Variants in ADAM12 observed in about 807,000 individuals in gnomAD.
ADAM12 encodes ADAM metallopeptidase domain 12, also known as disintegrin and metalloproteinase domain-containing protein 12.
Under a neutral mutation model 106.4 loss-of-function variants are expected in ADAM12, and 70 were observed. That is an observed-to-expected ratio of 0.66 (90% CI 0.54 to 0.80). The LOEUF (loss-of-function observed/expected upper bound fraction) is 0.80. Ranked by LOEUF, ADAM12 falls within the 30% of genes least tolerant of loss-of-function variation. The pLI, the probability that ADAM12 is intolerant of heterozygous loss-of-function variation, is 0.00. For missense variants in ADAM12, 1,010 were observed against 1,171.9 expected (o/e 0.86, Z 2.02); for synonymous variants, 420 against 433.5 (o/e 0.97, Z 0.39).
At chr10:126,042,920 C>T in intron 18 of ADAM12, 120 bp downstream of exon 18, 1 of 915,340 alleles carries the variant, frequency 1.1e-6, no homozygotes, top group Non-Finnish European at 1.7e-6. Context: ...TGTGTAGACC[C>T]ATGTGGGGTC....
In ADAM12 at chr10:126,057,344, T is replaced by A. The variant is rs1334553678; in HGVS notation, c.1609+7462A>T. Among the ~76,000 whole-genome samples, 17 of 32,102 alleles carry A rather than the reference T, an allele frequency of 5.3e-4. 2 individuals carry two copies. The highest frequency in any genetic ancestry group is 1.5e-4 in the Non-Finnish European group (2 of 13,662). The allele number at this position is 32,102 out of a possible 152,430, so 21.1% of individuals were successfully genotyped here. On this transcript the variant is annotated intron_variant, in intron 14 of 22. Coordinates refer to ENST00000448723, the MANE Select transcript of ADAM12 (RefSeq NM_001288973.2). ...ACTAACCTGCACAATGTGCACATGT[T>A]CCCTAAAACTTAGAGTATAATAAAA...
rs1381066598 is a variant in ADAM12, at chr10:126,013,066, TTGTA to T, written c.*4209_*4212del. 3 of 152,216 alleles carry T rather than the reference TTGTA, an allele frequency of 2.0e-5. No homozygotes were observed. Among genetic ancestry groups the T allele is most frequent in the African/African-American group, 7.2e-5 (3 of 41,448 alleles). The allele number at this position is 152,216 out of a possible 1,614,324, so 9.4% of individuals were successfully genotyped here. A position where few individuals can be genotyped will look rare whatever the true frequency, so the allele number is the denominator to read the frequency against. ...GAATAGCTTTACATTGAGAATTACT[TTGTA>T]TGTTAAATCTTCTGGCCATCATTAT... On this transcript the variant is annotated 3_prime_UTR_variant, in exon 23 of 23. Transcript: ENST00000448723. This position sits in a 1 kb window ranked among gnomAD's most constrained non-coding sequence, Gnocchi z 4.3.
Position 126,093,190 on chromosome 10 carries a change from T to TC in ADAM12, c.1145+794dup, listed in dbSNP as rs1392641239. The stretch of plus-strand genomic sequence containing the variant: ...GATAGCATTGTATCCAGCGCATGCT[T>TC]CCCGTTACTAATGAGAATCTTCTTA... On this transcript the variant is annotated intron_variant, in intron 11 of 22. Transcript: ENST00000448723. Among the ~76,000 whole-genome samples the TC allele has an allele frequency of 3.2e-4, 49 of 152,292 alleles. No homozygotes were observed. The East Asian group carries it at 9.3e-3, about 29-fold the overall frequency.
At chr10:126,217,757 G>A (rs1958013411) in intron 3 of ADAM12, among the ~76,000 whole-genome samples, 1 of 320 alleles carries the variant, frequency 3.1e-3, no homozygotes, top group African/African-American at 0.019. Context: ...TGGATCACCT[G>A]AGTCAGGAGT....
intron 3 of ADAM12, among the ~76,000 whole-genome samples, chr10:126,224,540 G>A (rs1288986284): frequency 1.3e-5 from 2 of 152,116 alleles, no homozygotes; most frequent in East Asian, 3.9e-4. Context: ...GACTCTTGGG[G>A]AGGGGCCTGG....
chr10:126,093,921 T>C, intron 11 of ADAM12, 64 bp downstream of exon 11: 3 of 1,590,518 alleles, frequency 1.9e-6, no homozygotes, highest in Non-Finnish European at 8.6e-7. Context: ...TTGACTCATC[T>C]GGTTCCCAAC....
chr10:126,349,720 C>T (rs1212260818), intron 1 of ADAM12, among the ~76,000 whole-genome samples: 1 of 152,196 alleles, frequency 6.6e-6, no homozygotes, highest in Non-Finnish European at 1.5e-5. Flanking sequence ...GAACTTTCAA[C>T]GTCCCTTACA....
chr10:126,318,977 A>C (rs1368390319), intron 2 of ADAM12, among the ~76,000 whole-genome samples: 1 of 152,166 alleles, frequency 6.6e-6, no homozygotes, highest in African/African-American at 2.4e-5. Context: ...CTATCATGAG[A>C]ACAGCATGGG....
At chr10:126,366,948 A>G (rs1352615235) in intron 1 of ADAM12, among the ~76,000 whole-genome samples, 1 of 152,166 alleles carries the variant, frequency 6.6e-6, no homozygotes, top group Non-Finnish European at 1.5e-5. Flanking sequence ...CAGAACTGAA[A>G]GTACAAATAG....
chr10:126,053,769 G>A lies in ADAM12; in HGVS notation c.1610-4100C>T, dbSNP rs571904156. ...TGCCCAGGCTCGAGTGCAATGGTGT[G>A]ATCTCGGCTCACTGCAACCTCTGCC... is the stretch of plus-strand genomic sequence containing the variant. On this transcript the variant is annotated intron_variant, in intron 14 of 22. Coordinates refer to ENST00000448723, the MANE Select transcript of ADAM12 (RefSeq NM_001288973.2). The surrounding 1 kb of genome is among the most constrained non-coding windows in gnomAD (Gnocchi z 4.6). Among the ~76,000 whole-genome samples the A allele has an allele frequency of 6.0e-5, 9 of 151,092 alleles. 1 individual carries two copies. Among genetic ancestry groups the A allele is most frequent in the Admixed American group, 2.0e-4 (3 of 15,204 alleles).
intron 3 of ADAM12, among the ~76,000 whole-genome samples, chr10:126,221,917 C>T (rs1050512236): frequency 6.6e-6 from 1 of 152,210 alleles, no homozygotes; most frequent in Non-Finnish European, 1.5e-5. Flanking sequence ...CTCTAAACCA[C>T]CAAACTGTCA....
chr10:126,388,320 A>G lies in ADAM12; in HGVS notation c.-175T>C, dbSNP rs2133947290. 2.9e-6 allele frequency: 3 copies of G among 1,029,632 alleles called. No homozygotes were observed. Among genetic ancestry groups the G allele is most frequent in the East Asian group, 3.9e-5 (1 of 25,542 alleles). The allele number at this position is 1,029,632 out of a possible 1,614,324, so 63.8% of individuals were successfully genotyped here. On this transcript the variant is annotated 5_prime_UTR_variant, in exon 1 of 23. It removes an upstream start codon present in the reference 5' UTR. Coordinates refer to ENST00000448723, the MANE Select transcript of ADAM12 (RefSeq NM_001288973.2). The surrounding 1 kb of genome is among the most constrained non-coding windows in gnomAD (Gnocchi z 4.4). The stretch of plus-strand genomic sequence containing the variant: ...CGCCGCTGAGCTCTTCTAGCCTTTC[A>G]TTTTTAAAAAAGTTTCCCCCCGTGT...
At chr10:126,030,029 G>A (rs886704788) in intron 21 of ADAM12, among the ~76,000 whole-genome samples, 1 of 152,182 alleles carries the variant, frequency 6.6e-6, no homozygotes, top group Non-Finnish European at 1.5e-5. Flanking sequence ...CCTGTGTGAC[G>A]TAGCAAATGA....
intron 1 of ADAM12, 122 bp downstream of exon 1, chr10:126,387,936 G>T: frequency 2.6e-6 from 3 of 1,141,928 alleles, no homozygotes; most frequent in Non-Finnish European, 3.2e-6. Flanking sequence ...AAGCCCCGGG[G>T]CTCCGGAGAT....
chr10:126,356,476 T>A lies in ADAM12; in HGVS notation c.89-25967A>T, dbSNP rs573263231. Among the ~76,000 whole-genome samples, 3 of 152,300 alleles carry A rather than the reference T, an allele frequency of 2.0e-5. No homozygotes were observed. The Middle Eastern group carries it at 0.01, about 518-fold the overall frequency. ...AATTGGCCCATCCGGAATCACAGGCTAGACTAAATAGTAAAGGTGTATTTC... is the reference window on the plus strand; with the variant it reads ...AATTGGCCCATCCGGAATCACAGGCAAGACTAAATAGTAAAGGTGTATTTC... On this transcript the variant is annotated intron_variant, in intron 1 of 22. Coordinates refer to ENST00000448723, the MANE Select transcript of ADAM12 (RefSeq NM_001288973.2).
chr10:126,366,431 TATA>T (rs1198567043), intron 1 of ADAM12, among the ~76,000 whole-genome samples: 1 of 151,594 alleles, frequency 6.6e-6, no homozygotes, highest in Non-Finnish European at 1.5e-5. Flanking sequence ...AACACTAAAA[TATA>T]ATAATAAAAT....
intron 3 of ADAM12, among the ~76,000 whole-genome samples, chr10:126,243,522 T>G (rs1168679965): frequency 6.7e-6 from 1 of 149,392 alleles, no homozygotes; most frequent in Non-Finnish European, 1.5e-5. Flanking sequence ...TGTGTGTAGG[T>G]CATTCAGGAC....
At chr10:126,085,923 G>A (rs548461954) in intron 11 of ADAM12, among the ~76,000 whole-genome samples, 18 of 152,348 alleles carry the variant, frequency 1.2e-4, no homozygotes, top group African/African-American at 3.8e-4. Flanking sequence ...GATATTGTCT[G>A]TTGTAGAGAA....
chr10:126,094,155 C>T lies in ADAM12; in HGVS notation c.997-22G>A, dbSNP rs763684748. The stretch of plus-strand genomic sequence containing the variant: ...GGTCCTCAAAGAAAACACAAAAGTA[C>T]AGGTGTATAATTCATATCTCCTTGG... On this transcript the variant is annotated intron_variant, in intron 10 of 22. Coordinates refer to ENST00000448723, the MANE Select transcript of ADAM12 (RefSeq NM_001288973.2). 114 of 1,611,166 alleles carry T rather than the reference C, an allele frequency of 7.1e-5. No individual in the cohort carries two copies. In the Admixed American group the frequency reaches 1.9e-3, roughly 27 times the overall value.
Sources: gnomAD v4.1 joint callset for allele counts (sites outside exome capture counted in the v4.1 genomes callset) on GRCh38, gnomAD v4.1.1 for gene constraint, Gnocchi (gnomAD v3.1) non-coding constraint, MANE v1.5 for transcripts, NCBI Gene and HGNC (gene_info 2026-07-23, HGNC 2026-07-21) for gene names.